AP3B1: variants seen among roughly 807,000 people sequenced by gnomAD.
The protein encoded by AP3B1 is adaptor related protein complex 3 subunit beta 1.
In AP3B1, 61 loss-of-function variants were observed where a neutral mutation model predicts 132.5. The observed-to-expected ratio is 0.46, with a 90% CI of 0.37 to 0.57. AP3B1 has a LOEUF of 0.57. Among genes scored for constraint, AP3B1 ranks in the 20% least tolerant of loss-of-function variants. The pLI is 0.00. For synonymous variants in AP3B1, 388 were observed against 438.3 expected, an observed-to-expected ratio of 0.89 and a Z score of 1.43; for missense variants, 1,120 against 1,289.4, an observed-to-expected ratio of 0.87 and a Z score of 2.01.
At chr5:78,217,712 TGA>T (rs1290373703) in intron 6 of AP3B1, among the ~76,000 whole-genome samples, 1 of 152,056 alleles carries the variant, frequency 6.6e-6, no homozygotes, top group East Asian at 1.9e-4. Flanking sequence ...TAACTCATTG[TGA>T]GATATAAACA....
intron 23 of AP3B1, among the ~76,000 whole-genome samples, chr5:78,038,343 C>G (rs886699903): frequency 6.6e-6 from 1 of 152,158 alleles, no homozygotes; most frequent in South Asian, 2.1e-4. Flanking sequence ...GATAAGCAGA[C>G]TAGTCTACAT....
intron 2 of AP3B1, among the ~76,000 whole-genome samples, chr5:78,262,732 GC>G (rs1376346708): frequency 6.8e-6 from 1 of 146,528 alleles, no homozygotes; most frequent in Non-Finnish European, 1.5e-5. Flanking sequence ...TCGCTCTGTT[GC>G]CCAGGCTGGA....
intron 2 of AP3B1, among the ~76,000 whole-genome samples, chr5:78,263,582 A>G (rs1328530745): frequency 6.6e-6 from 1 of 152,212 alleles, no homozygotes; most frequent in African/African-American, 2.4e-5. Context: ...CCTTGGAGTA[A>G]AAGATTTCAG....
At chr5:78,039,801 AAG>A (rs1282085994) in intron 22 of AP3B1, among the ~76,000 whole-genome samples, 13 of 150,578 alleles carry the variant, frequency 8.6e-5, no homozygotes, top group African/African-American at 3.2e-4. Context: ...AAGAAAAGAA[AAG>A]AAAAAAAAAA....
intron 8 of AP3B1, 121 bp from the exon 9 acceptor site, chr5:78,177,557 T>C: frequency 3.8e-6 from 3 of 786,128 alleles, no homozygotes; most frequent in Non-Finnish European, 4.5e-6. Context: ...TAAAATGGAA[T>C]GTTACTCTTC....
At chr5:78,038,273 ATGTGGAT>A (rs1372772196) in intron 23 of AP3B1, among the ~76,000 whole-genome samples, 1 of 152,218 alleles carries the variant, frequency 6.6e-6, no homozygotes, top group African/African-American at 2.4e-5. Flanking sequence ...TAAAAATTGG[ATGTGGAT>A]AAATACCAGT....
At chr5:78,281,507 C>T (rs888427448) in intron 1 of AP3B1, among the ~76,000 whole-genome samples, 1 of 148,830 alleles carries the variant, frequency 6.7e-6, no homozygotes, top group Non-Finnish European at 1.5e-5. Context: ...TTTTAAAAGA[C>T]TGACTAACTT....
intron 8 of AP3B1, among the ~76,000 whole-genome samples, chr5:78,179,843 C>A (rs1447752028): frequency 6.6e-5 from 10 of 152,038 alleles, no homozygotes; most frequent in Non-Finnish European, 1.5e-4. Context: ...TAGCAGCATC[C>A]CAAAACAAGG....
intron 22 of AP3B1, among the ~76,000 whole-genome samples, chr5:78,069,906 T>C (rs1050203897): frequency 1.1e-4 from 17 of 152,076 alleles, no homozygotes; most frequent in African/African-American, 2.7e-4. Flanking sequence ...AACAGACACA[T>C]AGACCAATGG....
Position 78,121,670 on chromosome 5 carries a change from C to T in AP3B1, c.1969-5436G>A, listed in dbSNP as rs568442965. 2.6e-5 allele frequency: 4 copies of T among 152,266 alleles called. No homozygotes were observed. In the East Asian group the frequency reaches 7.7e-4, roughly 29 times the overall value. The allele number at this position is 152,266 out of a possible 1,614,324, so 9.4% of individuals were successfully genotyped here. ...GAAGAAGTTGAATCTCTGAATAGAC[C>T]GATAACAGGCTCTGAAATTGTGACA... On this transcript the variant is annotated intron_variant, in intron 17 of 26. Transcript: ENST00000255194.
chr5:78,163,674 T>C (rs527503368), intron 12 of AP3B1, among the ~76,000 whole-genome samples: 216 of 149,168 alleles, frequency 1.4e-3, no homozygotes, highest in Non-Finnish European at 2.4e-3. Flanking sequence ...CATATATATA[T>C]ACACACACAC....
At chr5:78,287,956 G>A (rs6874704) in intron 1 of AP3B1, among the ~76,000 whole-genome samples, 82,071 of 151,860 alleles carry the variant, frequency 0.54, 22,377 homozygotes, top group Middle Eastern at 0.57. Flanking sequence ...ACAGTATGCT[G>A]ACAAAATCAT....
chr5:78,093,650 T>C (rs1051600613), intron 21 of AP3B1, among the ~76,000 whole-genome samples: 6 of 152,244 alleles, frequency 3.9e-5, no homozygotes, highest in African/African-American at 1.4e-4. Context: ...ACATAATGGC[T>C]TAATATGTTG....
chr5:78,260,190 A>G (rs1249943610), intron 2 of AP3B1, among the ~76,000 whole-genome samples: 5 of 152,178 alleles, frequency 3.3e-5, no homozygotes, highest in African/African-American at 1.2e-4. Context: ...TGGAAAAAAA[A>G]ATAGAAACCT....
intron 20 of AP3B1, among the ~76,000 whole-genome samples, chr5:78,101,961 TTTTG>T (rs1751146232): frequency 6.6e-6 from 1 of 152,104 alleles, no homozygotes; most frequent in Admixed American, 6.5e-5. Flanking sequence ...ACTAAAATGT[TTTTG>T]TTTATTTAAT....
chr5:78,117,101 C>T (rs1256266114), intron 17 of AP3B1, among the ~76,000 whole-genome samples: 1 of 151,744 alleles, frequency 6.6e-6, no homozygotes, highest in African/African-American at 2.4e-5. Flanking sequence ...TTCCTCCAAA[C>T]GTCCCAGGCA....
intron 1 of AP3B1, among the ~76,000 whole-genome samples, chr5:78,277,384 A>T (rs1748826691): frequency 6.6e-6 from 1 of 152,222 alleles, no homozygotes; most frequent in South Asian, 2.1e-4. Flanking sequence ...GGGGAATGAC[A>T]GGAAAAAAAG....
At chr5:78,145,383 T>C (rs573217337) in intron 14 of AP3B1, among the ~76,000 whole-genome samples, 3 of 152,282 alleles carry the variant, frequency 2.0e-5, no homozygotes, top group East Asian at 3.9e-4. Flanking sequence ...ACTAGACATA[T>C]GAGGAAACTA....
chr5:78,034,618 T>C (rs1204398586), intron 23 of AP3B1, among the ~76,000 whole-genome samples, 173 bp from the exon 24 acceptor site: 2 of 151,962 alleles, frequency 1.3e-5, no homozygotes, highest in Non-Finnish European at 2.9e-5. Context: ...ACCTAACTAT[T>C]CTGTTTCAAG....
Sources: gnomAD v4.1 joint callset for allele counts (sites outside exome capture counted in the v4.1 genomes callset) on GRCh38, gnomAD v4.1.1 for gene constraint, MANE v1.5 for transcripts, NCBI Gene and HGNC (gene_info 2026-07-23, HGNC 2026-07-21) for gene names.